The following CYFIP2 variants were observed in gnomAD, a reference collection of about 807,000 sequenced individuals.
CYFIP2 encodes cytoplasmic FMR1 interacting protein 2.
A neutral mutation model predicts 158.7 loss-of-function variants in CYFIP2; 29 were observed. That is an observed-to-expected ratio of 0.18 (90% CI 0.14 to 0.25). The LOEUF is 0.25. Among genes scored for constraint, CYFIP2 ranks in the 10% least tolerant of loss-of-function variants. The pLI is 1.00. For missense variants in CYFIP2, 852 were observed against 1,639.5 expected (o/e 0.52, Z 8.29); for synonymous variants, 585 against 617.6 (o/e 0.95, Z 0.78).
intron 26 of CYFIP2, among the ~76,000 whole-genome samples, chr5:157,368,887 G>GT (rs74720983): frequency 8.8e-4 from 129 of 145,982 alleles, no homozygotes; most frequent in African/African-American, 3.1e-3. Context: ...GATCCCAGAG[G>GT]TTTTTTGTTT....
intron 8 of CYFIP2, chr5:157,304,571 A>G (rs992081813): frequency 2.0e-6 from 1 of 502,598 alleles, no homozygotes; most frequent in Non-Finnish European, 3.4e-6. Context: ...GGCTATTTCT[A>G]CAATGTTATG....
intron 26 of CYFIP2, among the ~76,000 whole-genome samples, chr5:157,379,079 C>T (rs1405019073): frequency 6.6e-6 from 1 of 152,110 alleles, no homozygotes; most frequent in Non-Finnish European, 1.5e-5. Flanking sequence ...CCAGTTACCT[C>T]CATAACACTC....
chr5:157,393,558 C>T lies in CYFIP2; in HGVS notation c.*558C>T, dbSNP rs950514168. The stretch of plus-strand genomic sequence containing the variant: ...CAGGGATTCTACCACATAGGCTTCC[C>T]AAAGCCCCATTCTAACTCCCCTCTC... On this transcript the variant is annotated 3_prime_UTR_variant, in exon 31 of 31. Transcript: ENST00000620254. 2 of 152,666 alleles carry T rather than the reference C, an allele frequency of 1.3e-5. No homozygotes were observed. Among genetic ancestry groups the T allele is most frequent in the Non-Finnish European group, 2.9e-5 (2 of 68,424 alleles). The allele number at this position is 152,666 out of a possible 1,614,324, so 9.5% of individuals were successfully genotyped here.
intron 8 of CYFIP2, 149 bp downstream of exon 8, chr5:157,304,515 T>A: frequency 1.2e-6 from 1 of 866,968 alleles, no homozygotes; most frequent in Non-Finnish European, 1.7e-6. Context: ...ACCTGTTCCT[T>A]TCCTGTAATA....
intron 1 of CYFIP2, among the ~76,000 whole-genome samples, chr5:157,273,274 G>C (rs1187879724): frequency 6.6e-6 from 1 of 152,160 alleles, no homozygotes; most frequent in Non-Finnish European, 1.5e-5. Context: ...CTAGCCCAGT[G>C]ACCTTGCACA....
At position 157,364,417 on chromosome 5, in the gene CYFIP2, C is replaced by CA. The variant is rs1458252286; in HGVS notation, c.3039+2821dup. 3 of 152,306 alleles carry CA rather than the reference C, an allele frequency of 2.0e-5. No homozygotes were observed. The East Asian group carries it at 5.8e-4, about 29-fold the overall frequency. The allele number at this position is 152,306 out of a possible 1,614,324, so 9.4% of individuals were successfully genotyped here. Reference sequence around the variant, plus strand: ...GTATCACTGAGGACAACAGGACACTCAATGACCTTCAGAGCTGAGACCTGA... The same window carrying CA: ...GTATCACTGAGGACAACAGGACACTCAAATGACCTTCAGAGCTGAGACCTGA... On this transcript the variant is annotated intron_variant, in intron 26 of 30. Coordinates refer to ENST00000620254, the MANE Select transcript of CYFIP2 (RefSeq NM_001037333.3).
intron 1 of CYFIP2, among the ~76,000 whole-genome samples, chr5:157,275,598 C>T (rs962799747): frequency 6.6e-6 from 1 of 152,046 alleles, no homozygotes; most frequent in African/African-American, 2.4e-5. Context: ...TGTTCAGTTC[C>T]TCCCACCCCC....
chr5:157,389,965 C>T (rs1002204747), intron 29 of CYFIP2, among the ~76,000 whole-genome samples: 1 of 152,178 alleles, frequency 6.6e-6, no homozygotes, highest in Non-Finnish European at 1.5e-5. Context: ...TACTGCCATC[C>T]AAATTGCCTA....
chr5:157,392,399 G>A (rs748087904), intron 30 of CYFIP2, among the ~76,000 whole-genome samples: 1 of 152,096 alleles, frequency 6.6e-6, no homozygotes, highest in Non-Finnish European at 1.5e-5. Context: ...TTAATTTTTT[G>A]TATATGGTAT....
At chr5:157,376,306 C>T (rs1216456714) in intron 26 of CYFIP2, 1 of 152,242 alleles carries the variant, frequency 6.6e-6, no homozygotes, top group Non-Finnish European at 1.5e-5. Flanking sequence ...TTTTATTTCT[C>T]AGTCACGGGT....
chr5:157,304,492 A>G (rs1759051336), intron 8 of CYFIP2, 126 bp downstream of exon 8: 4 of 1,140,764 alleles, frequency 3.5e-6, no homozygotes, highest in African/African-American at 3.1e-5. Flanking sequence ...CTTACGGCAC[A>G]TAATGGTTTG....
At chr5:157,332,809 T>TA (rs1761574513) in intron 20 of CYFIP2, among the ~76,000 whole-genome samples, 1 of 152,158 alleles carries the variant, frequency 6.6e-6, no homozygotes, top group Non-Finnish European at 1.5e-5. Flanking sequence ...CACACCTGGC[T>TA]AATTTTTTTT....
chr5:157,367,778 A>C (rs503843), intron 26 of CYFIP2, among the ~76,000 whole-genome samples: 2 of 142,878 alleles, frequency 1.4e-5, no homozygotes, highest in Non-Finnish European at 3.0e-5. Context: ...TTTTTAAGAC[A>C]GAGTCTCACT....
rs182287947 is a variant in CYFIP2 at position 157,328,080 on chromosome 5, T to A, written c.2156+31T>A. On this transcript the variant is annotated intron_variant, in intron 19 of 30. Coordinates refer to ENST00000620254, the MANE Select transcript of CYFIP2 (RefSeq NM_001037333.3). ...AAAGCCCCAGAGCTGTGAGTAGCAATCTCTTAAGACTGCCACCTAGAAGAC... is the reference window on the plus strand; with the variant it reads ...AAAGCCCCAGAGCTGTGAGTAGCAAACTCTTAAGACTGCCACCTAGAAGAC... The A allele has an allele frequency of 1.2e-5, 19 of 1,600,438 alleles. No individual in the cohort carries two copies. In the Admixed American group the frequency reaches 3.2e-4, roughly 27 times the overall value.
intron 2 of CYFIP2, among the ~76,000 whole-genome samples, chr5:157,286,526 G>C (rs1411506538): frequency 1.4e-5 from 2 of 144,156 alleles, no homozygotes; most frequent in Non-Finnish European, 3.0e-5. Flanking sequence ...GTACTTAAAA[G>C]TCCATTTATG....
At chr5:157,372,308 T>C (rs1396511163) in intron 26 of CYFIP2, among the ~76,000 whole-genome samples, 1 of 152,046 alleles carries the variant, frequency 6.6e-6, no homozygotes, top group Non-Finnish European at 1.5e-5. Context: ...TATTTAAGGC[T>C]GAAGTGACTC....
In CYFIP2 at chr5:157,266,598, C is replaced by A. The variant is rs908424046; in HGVS notation, c.-24+403C>A. On this transcript the variant is annotated intron_variant, in intron 1 of 30. Transcript: ENST00000620254. The surrounding 1 kb of genome is among the most constrained non-coding windows in gnomAD (Gnocchi z 4.2). ...CCTCGAGTCCAGGTACTGCAGAGCG[C>A]TGGCCCCTGCCTCTGCCGCCGTGAC... 2.6e-5 allele frequency: 4 copies of A among 152,472 alleles called. No homozygotes were observed. Among genetic ancestry groups the A allele is most frequent in the African/African-American group, 7.2e-5 (3 of 41,464 alleles). 9.4% of individuals were successfully genotyped at this position (152,472 alleles called of 1,614,324 possible). A position where few individuals can be genotyped will look rare whatever the true frequency, so the allele number is the denominator to read the frequency against.
At chr5:157,381,772 G>A (rs1766136442) in intron 26 of CYFIP2, among the ~76,000 whole-genome samples, 1 of 151,632 alleles carries the variant, frequency 6.6e-6, no homozygotes, top group Non-Finnish European at 1.5e-5. Flanking sequence ...AAGGACACCT[G>A]CAATCTTGAT....
At chr5:157,309,653 G>A in intron 9 of CYFIP2, 90 bp from the exon 10 acceptor site, 1 of 1,193,180 alleles carries the variant, frequency 8.4e-7, no homozygotes. Flanking sequence ...GGCACACACA[G>A]AGGCCTGCCT....
Sources: allele counts gnomAD v4.1 joint callset (sites outside exome capture counted in the v4.1 genomes callset), GRCh38; gene constraint gnomAD v4.1.1; non-coding constraint Gnocchi (gnomAD v3.1); transcripts MANE v1.5; gene names NCBI Gene and HGNC (gene_info 2026-07-23, HGNC 2026-07-21).